SFMBT2: variants seen among roughly 807,000 people sequenced by gnomAD.
SFMBT2 encodes the protein scm-like with four MBT domains protein 2.
A neutral mutation model predicts 110.1 loss-of-function variants in SFMBT2; 38 were observed. That is an observed-to-expected ratio of 0.35 (90% CI 0.27 to 0.45). The LOEUF (loss-of-function observed/expected upper bound fraction) is 0.45. Ranked by LOEUF, SFMBT2 falls within the 20% of genes least tolerant of loss-of-function variation. The pLI is 1.00. For missense variants in SFMBT2, 1,011 were observed against 1,094.9 expected, an observed-to-expected ratio of 0.92 and a Z score of 1.08; for synonymous variants, 425 against 425.4, an observed-to-expected ratio of 1.00 and a Z score of 0.01.
At chr10:7,348,317 C>T (rs1236550033) in intron 4 of SFMBT2, 1 of 1,530,194 alleles carries the variant, frequency 6.5e-7, no homozygotes, top group Non-Finnish European at 8.8e-7. Context: ...AAGCTGATGG[C>T]TTGACATCAC....
chr10:7,202,611 C>A (rs1216202559), intron 12 of SFMBT2, 89 bp from the exon 13 acceptor site: 6 of 1,600,520 alleles, frequency 3.7e-6, no homozygotes, highest in Admixed American at 1.7e-5. Context: ...CAAAGAGGTA[C>A]CCATTTTAAA....
At chr10:7,266,694 G>A (rs1023075785) in intron 7 of SFMBT2, among the ~76,000 whole-genome samples, 4 of 152,210 alleles carry the variant, frequency 2.6e-5, no homozygotes, top group East Asian at 1.9e-4. Flanking sequence ...GTCGGGGGAC[G>A]CAATGACTAG....
At chr10:7,315,111 AAAGC>A (rs138965461) in intron 4 of SFMBT2, among the ~76,000 whole-genome samples, 2,565 of 129,676 alleles carry the variant, frequency 0.02, 62 homozygotes, top group Non-Finnish European at 0.028. Flanking sequence ...AAAGAAAGAA[AAAGC>A]AAGCAAGCAA....
rs7914185 is a variant in SFMBT2, at chr10:7,270,646, A to C, written c.870+6246T>G. On this transcript the variant is annotated intron_variant, in intron 7 of 20. Transcript: ENST00000397167. ...CATGAGAGGCCCAAAAGTAATATTC[A>C]GTATCTGCTCTTAAAGCACTCCTTA... Among the ~76,000 whole-genome samples the C allele has an allele frequency of 8.3e-3, 1,272 of 152,348 alleles. 17 individuals carry two copies. Among genetic ancestry groups the C allele is most frequent in the African/African-American group, 0.028 (1,161 of 41,584 alleles).
At chr10:7,284,636 C>T in intron 5 of SFMBT2, 1 of 254,856 alleles carries the variant, frequency 3.9e-6, no homozygotes, top group Non-Finnish European at 6.2e-6. Flanking sequence ...GACCAAAATG[C>T]TCTCATACTT....
At chr10:7,188,851 G>A (rs112267418) in intron 15 of SFMBT2, 118 bp from the exon 16 acceptor site, 4 of 774,834 alleles carry the variant, frequency 5.2e-6, no homozygotes. Flanking sequence ...ACACCCACAT[G>A]AAGTGAAGAA....
chr10:7,179,411 A>C (rs1408551132), intron 16 of SFMBT2, among the ~76,000 whole-genome samples: 6 of 151,284 alleles, frequency 4.0e-5, no homozygotes, highest in East Asian at 1.9e-4. Flanking sequence ...AAAAAAAAAA[A>C]AAAAACAAAA....
At chr10:7,328,784 G>C (rs747265595) in intron 4 of SFMBT2, among the ~76,000 whole-genome samples, 11 of 152,160 alleles carry the variant, frequency 7.2e-5, no homozygotes, top group Non-Finnish European at 1.3e-4. Flanking sequence ...AAATGCAAAA[G>C]TCTCTCTGTG....
intron 12 of SFMBT2, chr10:7,204,477 T>C: frequency 2.0e-6 from 2 of 983,180 alleles, no homozygotes; most frequent in Non-Finnish European, 2.4e-6. Context: ...TCATTTTAAA[T>C]AACACTTCTG....
Position 7,171,849 on chromosome 10 carries a change from C to A in SFMBT2, c.2415+46G>T. ...GCCCTGAAGTGTAACAGGTGTGCTT[C>A]TTCAGACCCAGCGGGAAGCCCTCTG... On this transcript the variant is annotated intron_variant, in intron 19 of 20. Transcript: ENST00000397167. The surrounding 1 kb of genome is among the most constrained non-coding windows in gnomAD (Gnocchi z 4.9). 1 of 1,386,134 alleles carries A rather than the reference C, an allele frequency of 7.2e-7. No homozygotes were observed. Among genetic ancestry groups the A allele is most frequent in the Non-Finnish European group, 9.3e-7 (1 of 1,072,858 alleles). 85.9% of individuals were successfully genotyped at this position (1,386,134 alleles called of 1,614,324 possible). A position where few individuals can be genotyped will look rare whatever the true frequency, so the allele number is the denominator to read the frequency against.
At chr10:7,212,685 C>T (rs533838011) in intron 11 of SFMBT2, among the ~76,000 whole-genome samples, 35 of 152,300 alleles carry the variant, frequency 2.3e-4, no homozygotes, top group African/African-American at 6.5e-4. Context: ...CTGTTTTATA[C>T]AGCTGTACAA....
intron 7 of SFMBT2, among the ~76,000 whole-genome samples, chr10:7,259,291 C>G (rs1440227244): frequency 6.6e-6 from 1 of 152,208 alleles, no homozygotes; most frequent in Non-Finnish European, 1.5e-5. Context: ...AGTGGGAAGC[C>G]TCCCCACTGG....
At chr10:7,207,716 G>A (rs1258912391) in intron 11 of SFMBT2, 4 of 547,766 alleles carry the variant, frequency 7.3e-6, no homozygotes, top group African/African-American at 2.0e-5. Context: ...AATCTGGTGC[G>A]AGCTCCACCG....
intron 1 of SFMBT2, among the ~76,000 whole-genome samples, chr10:7,404,696 C>A (rs1846167405): frequency 6.6e-6 from 1 of 152,218 alleles, no homozygotes; most frequent in African/African-American, 2.4e-5. Flanking sequence ...TATCTCATCA[C>A]ATGAATGGAA....
intron 1 of SFMBT2, among the ~76,000 whole-genome samples, chr10:7,403,686 T>G (rs1029788387): frequency 1.3e-5 from 2 of 152,124 alleles, no homozygotes; most frequent in African/African-American, 4.8e-5. Context: ...TACACAAGTA[T>G]CTCACATACA....
chr10:7,162,800 A>C lies in SFMBT2; in HGVS notation c.*970T>G, dbSNP rs938241773. On this transcript the variant is annotated 3_prime_UTR_variant, in exon 21 of 21. Transcript: ENST00000397167. ...TGTCTCTACAGATGTTCTAGGCTTC[A>C]ATCAAAAACCATCCAGTTGGGCCGG... 6.6e-6 allele frequency: 1 copy of C among 152,274 alleles called. No homozygotes were observed. Among genetic ancestry groups the C allele is most frequent in the Non-Finnish European group, 1.5e-5 (1 of 68,106 alleles). 9.4% of individuals were successfully genotyped at this position (152,274 alleles called of 1,614,324 possible).
intron 1 of SFMBT2, among the ~76,000 whole-genome samples, chr10:7,398,266 G>C (rs1845980628): frequency 6.6e-6 from 1 of 152,134 alleles, no homozygotes; most frequent in African/African-American, 2.4e-5. Context: ...ATCAAACAAT[G>C]TATATTGCCC....
At chr10:7,260,457 T>C (rs549054189) in intron 7 of SFMBT2, among the ~76,000 whole-genome samples, 1 of 152,292 alleles carries the variant, frequency 6.6e-6, no homozygotes, top group South Asian at 2.1e-4. Flanking sequence ...AGCTCCTCCC[T>C]TGTGGGCTCA....
chr10:7,260,553 C>T lies in SFMBT2; in HGVS notation c.871-11904G>A, dbSNP rs1841159446. On this transcript the variant is annotated intron_variant, in intron 7 of 20. Coordinates refer to ENST00000397167, the MANE Select transcript of SFMBT2 (RefSeq NM_001387889.1). ...CTTCTTCAAAGCAAGGAAACCTATT[C>T]CAGAAACTACCAGCAGATGTCCTCA... 2.6e-5 allele frequency among the ~76,000 whole-genome samples: 4 copies of T among 152,272 alleles called. No homozygotes were observed. The South Asian group carries it at 8.3e-4, about 32-fold the overall frequency.
Sources: gnomAD v4.1 joint callset for allele counts (sites outside exome capture counted in the v4.1 genomes callset) on GRCh38, gnomAD v4.1.1 for gene constraint, Gnocchi (gnomAD v3.1) non-coding constraint, MANE v1.5 for transcripts, NCBI Gene and HGNC (gene_info 2026-07-23, HGNC 2026-07-21) for gene names.